The following SEZ6L variants were observed in gnomAD, a reference collection of about 807,000 sequenced individuals.
SEZ6L encodes seizure 6-like protein.
Under a neutral mutation model 106.2 loss-of-function variants are expected in SEZ6L, and 37 were observed. That is an observed-to-expected ratio of 0.35 (90% CI 0.27 to 0.46). The LOEUF (loss-of-function observed/expected upper bound fraction) is 0.46, where lower values mean the gene tolerates loss of function less well. Ranked by LOEUF, SEZ6L falls within the 20% of genes least tolerant of loss-of-function variation. SEZ6L has a pLI of 1.00. For missense variants in SEZ6L, 1,172 were observed against 1,332.8 expected, an observed-to-expected ratio of 0.88 and a Z score of 1.88; for synonymous variants, 541 against 570.4, an observed-to-expected ratio of 0.95 and a Z score of 0.73.
intron 1 of SEZ6L, among the ~76,000 whole-genome samples, chr22:26,208,524 C>A (rs541506459): frequency 2.6e-5 from 4 of 152,104 alleles, no homozygotes; most frequent in Admixed American, 1.3e-4. Context: ...TGGCTTCTGG[C>A]TTCCATAATT....
intron 1 of SEZ6L, among the ~76,000 whole-genome samples, chr22:26,195,572 C>A (rs1940519385): frequency 1.3e-5 from 2 of 152,156 alleles, no homozygotes; most frequent in African/African-American, 4.8e-5. Flanking sequence ...TATTTATTCA[C>A]TTATTTAGCA....
intron 1 of SEZ6L, among the ~76,000 whole-genome samples, chr22:26,274,650 T>C (rs144416005): frequency 5.3e-4 from 81 of 152,344 alleles, no homozygotes; most frequent in Non-Finnish European, 1.0e-3. Context: ...TAAGGTTTAT[T>C]ACAGGGAGAG....
intron 1 of SEZ6L, among the ~76,000 whole-genome samples, chr22:26,200,089 A>AG (rs1940832880): frequency 6.6e-6 from 1 of 152,244 alleles, no homozygotes; most frequent in Admixed American, 6.5e-5. Context: ...ACTGGAATGT[A>AG]GCACTGCTTC....
At chr22:26,222,303 T>C (rs1417928780) in intron 1 of SEZ6L, among the ~76,000 whole-genome samples, 2 of 152,150 alleles carry the variant, frequency 1.3e-5, no homozygotes, top group Admixed American at 1.3e-4. Flanking sequence ...TTCCTAACTT[T>C]ACAGATGGAG....
intron 1 of SEZ6L, among the ~76,000 whole-genome samples, chr22:26,257,767 GC>G (rs2079872014): frequency 6.6e-6 from 1 of 152,122 alleles, no homozygotes; most frequent in South Asian, 2.1e-4. Flanking sequence ...CCAGGTGTCT[GC>G]CGCTCACCGA....
intron 9 of SEZ6L, among the ~76,000 whole-genome samples, chr22:26,320,434 G>C (rs375508070): frequency 6.6e-6 from 1 of 152,238 alleles, no homozygotes; most frequent in South Asian, 2.1e-4. Flanking sequence ...GTGTCATCCC[G>C]GGGCCTTAGG....
chr22:26,316,870 A>C (rs2082010979), intron 9 of SEZ6L, among the ~76,000 whole-genome samples: 1 of 76,192 alleles, frequency 1.3e-5, no homozygotes, highest in Non-Finnish European at 2.6e-5. Flanking sequence ...AGAAAGAAGA[A>C]GGAAAGAAAG....
chr22:26,277,701 G>A (rs966540173), intron 1 of SEZ6L, among the ~76,000 whole-genome samples: 3 of 152,152 alleles, frequency 2.0e-5, no homozygotes, highest in African/African-American at 7.2e-5. Flanking sequence ...CTTGTTCTCA[G>A]CACTGCAGGC....
In SEZ6L at chr22:26,272,465, A is replaced by C. The variant is rs77372880; in HGVS notation, c.95-19941A>C. ...CGAATTTTTACCCACGGTTATCACC[A>C]CTGGGCCAGGCTGCAGCTGGTCATC... On this transcript the variant is annotated intron_variant, in intron 1 of 16. Coordinates refer to ENST00000248933, the MANE Select transcript of SEZ6L (RefSeq NM_021115.5). Among the ~76,000 whole-genome samples the C allele has an allele frequency of 4.7e-3, 710 of 152,304 alleles. 4 individuals are homozygous for C. The highest frequency in any genetic ancestry group is 7.8e-3 in the Admixed American group (120 of 15,300).
In SEZ6L at chr22:26,377,736, C is replaced by G. The variant is rs564700371; in HGVS notation, c.3006C>G (p.Thr1002=). 1.9e-5 allele frequency: 31 copies of G among 1,614,032 alleles called. No individual in the cohort carries two copies. Among genetic ancestry groups the G allele is most frequent in the Non-Finnish European group, 2.4e-5 (28 of 1,179,918 alleles). The change falls in exon 16 of 17, where the codon ACC becomes ACG. Residue 1002 remains threonine (T), a synonymous_variant. Coordinates refer to ENST00000248933, the MANE Select transcript of SEZ6L (RefSeq NM_021115.5). The part of the protein sequence containing the change: ...LMYSHPYSQI[T]VETEFDNPIY... ...ACTCCCACCCCTACAGCCAGATCACCGTGGAAACCGAGTTTGACAACCCCA... is the reference window on the plus strand; with the variant it reads ...ACTCCCACCCCTACAGCCAGATCACGGTGGAAACCGAGTTTGACAACCCCA...
chr22:26,207,704 T>G (rs1317130783), intron 1 of SEZ6L, among the ~76,000 whole-genome samples: 1 of 152,184 alleles, frequency 6.6e-6, no homozygotes, highest in East Asian at 1.9e-4. Flanking sequence ...TTTGGGTGGT[T>G]GTTCTAGGAA....
At position 26,288,849 on chromosome 22, in the gene SEZ6L, C is replaced by G. The variant is rs557098070; in HGVS notation, c.95-3557C>G. Among the ~76,000 whole-genome samples the G allele has an allele frequency of 3.3e-5, 5 of 152,264 alleles. No homozygotes were observed. The South Asian group carries it at 1.0e-3, about 32-fold the overall frequency. On this transcript the variant is annotated intron_variant, in intron 1 of 16. Coordinates refer to ENST00000248933, the MANE Select transcript of SEZ6L (RefSeq NM_021115.5). ...TTTTTCCAATCTTGCTCTCTCTCTCCTCTCTCTCATCCCCACTTATAATTA... is the reference window on the plus strand; with the variant it reads ...TTTTTCCAATCTTGCTCTCTCTCTCGTCTCTCTCATCCCCACTTATAATTA...
chr22:26,227,777 T>C (rs2078677915), intron 1 of SEZ6L, among the ~76,000 whole-genome samples: 1 of 152,086 alleles, frequency 6.6e-6, no homozygotes, highest in African/African-American at 2.4e-5. Flanking sequence ...TCACTTTGGG[T>C]GCTGACTGTG....
At chr22:26,353,938 G>A (rs2083356898) in intron 12 of SEZ6L, among the ~76,000 whole-genome samples, 1 of 151,270 alleles carries the variant, frequency 6.6e-6, no homozygotes, top group Admixed American at 6.6e-5. Flanking sequence ...GAACTTCAAA[G>A]TTCTAACCCA....
At chr22:26,197,061 G>A (rs556672824) in intron 1 of SEZ6L, among the ~76,000 whole-genome samples, 1 of 152,222 alleles carries the variant, frequency 6.6e-6, no homozygotes, top group South Asian at 2.1e-4. Flanking sequence ...ATAGTTTTAG[G>A]TATAGCTACA....
Position 26,352,160 on chromosome 22 carries a change from C to CAAA in SEZ6L, c.2599+931_2599+933dup, listed in dbSNP as rs3071657. Among the ~76,000 whole-genome samples the CAAA allele has an allele frequency of 2.7e-3, 322 of 121,182 alleles. 12 individuals are homozygous for CAAA. The highest frequency in any genetic ancestry group is 4.0e-3 in the East Asian group (17 of 4,202). The allele number at this position is 121,182 out of a possible 152,430, so 79.5% of individuals were successfully genotyped here. On this transcript the variant is annotated intron_variant, in intron 12 of 16. Transcript: ENST00000248933. The stretch of plus-strand genomic sequence containing the variant: ...TGGGTGGCACAGCGAGACCCTGCCT[C>CAAA]AAAAAAAAAAAAAAAAGAATACTAC...
At chr22:26,296,841 C>T in intron 3 of SEZ6L, 47 bp from the exon 4 acceptor site, 1 of 1,478,726 alleles carries the variant, frequency 6.8e-7, no homozygotes, top group Admixed American at 2.0e-5. Flanking sequence ...GGCTCTGTCT[C>T]AAACACAACT....
rs2081913302 is a variant in SEZ6L at position 26,313,658 on chromosome 22, C to T, written c.1877-106C>T. The T allele has an allele frequency of 5.1e-6, 7 of 1,375,064 alleles. No individual in the cohort carries two copies. In the East Asian group the frequency reaches 1.6e-4, roughly 32 times the overall value. 85.2% of individuals were successfully genotyped at this position (1,375,064 alleles called of 1,614,324 possible). ...GGTGAAGACACCTGTCCACAGTACACAGAGATTCACGGCTGTCTGACTTCA... is the reference window on the plus strand; with the variant it reads ...GGTGAAGACACCTGTCCACAGTACATAGAGATTCACGGCTGTCTGACTTCA... On this transcript the variant is annotated intron_variant, in intron 8 of 16. Transcript: ENST00000248933.
At chr22:26,224,506 G>A (rs2078578761) in intron 1 of SEZ6L, among the ~76,000 whole-genome samples, 1 of 152,130 alleles carries the variant, frequency 6.6e-6, no homozygotes, top group Non-Finnish European at 1.5e-5. Context: ...GTCTTTGTTG[G>A]GATTAGAGCA....
Sources: gnomAD v4.1 joint callset for allele counts (sites outside exome capture counted in the v4.1 genomes callset) on GRCh38, gnomAD v4.1.1 for gene constraint, MANE v1.5 for transcripts, NCBI Gene and HGNC (gene_info 2026-07-23, HGNC 2026-07-21) for gene names.